Variants in DCC observed in about 807,000 individuals in gnomAD.
The protein encoded by DCC is DCC netrin 1 receptor, also known as netrin receptor DCC.
Under a neutral mutation model 172.5 loss-of-function variants are expected in DCC, and 58 were observed. That is an observed-to-expected ratio of 0.34 (90% CI 0.27 to 0.42). The LOEUF (loss-of-function observed/expected upper bound fraction) is 0.42. Ranked by LOEUF, DCC falls within the 10% of genes least tolerant of loss-of-function variation. The probability of loss-of-function intolerance (pLI) is 1.00; values close to 1 mark genes in which losing one functional copy is unlikely to be tolerated. For missense variants in DCC, 1,740 were observed against 1,791.0 expected (o/e 0.97, Z 0.51); for synonymous variants, 709 against 644.5 (o/e 1.10, Z -1.52).
chr18:53,340,986 C>G (rs1568067639), intron 15 of DCC, among the ~76,000 whole-genome samples: 1 of 152,152 alleles, frequency 6.6e-6, no homozygotes, highest in Non-Finnish European at 1.5e-5. Context: ...CCCATTCTCT[C>G]TATAATTGCT....
chr18:52,854,091 A>G (rs1350155252), intron 2 of DCC, among the ~76,000 whole-genome samples: 1 of 152,230 alleles, frequency 6.6e-6, no homozygotes, highest in African/African-American at 2.4e-5. Context: ...ATGAATTTTA[A>G]TAGATGTCAT....
At chr18:53,408,865 C>T (rs1909825012) in intron 19 of DCC, among the ~76,000 whole-genome samples, 1 of 152,066 alleles carries the variant, frequency 6.6e-6, no homozygotes, top group African/African-American at 2.4e-5. Context: ...AATGGGCTTC[C>T]AGATGTTGGA....
At chr18:52,788,209 A>T (rs992548436) in intron 2 of DCC, among the ~76,000 whole-genome samples, 2 of 152,214 alleles carry the variant, frequency 1.3e-5, no homozygotes, top group Non-Finnish European at 2.9e-5. Flanking sequence ...GGCAAAATTT[A>T]CATTTCCATG....
chr18:53,092,505 A>G (rs2043028763), intron 7 of DCC, among the ~76,000 whole-genome samples: 1 of 152,140 alleles, frequency 6.6e-6, no homozygotes, highest in East Asian at 1.9e-4. Context: ...ATCATAACAT[A>G]TGTTTTAACT....
chr18:52,756,873 T>G (rs137948236), intron 2 of DCC: 175 of 152,334 alleles, frequency 1.1e-3, no homozygotes, highest in African/African-American at 3.8e-3. Flanking sequence ...TAAATAGAAC[T>G]AACAATTATT....
At chr18:52,835,746 T>C (rs2038693159) in intron 2 of DCC, among the ~76,000 whole-genome samples, 1 of 152,348 alleles carries the variant, frequency 6.6e-6, no homozygotes, top group African/African-American at 2.4e-5. Context: ...TCAAAACTGA[T>C]TTTTAATGAA....
chr18:53,254,144 T>A (rs564631536), intron 12 of DCC, among the ~76,000 whole-genome samples: 1 of 152,182 alleles, frequency 6.6e-6, no homozygotes, highest in Admixed American at 6.5e-5. Context: ...GACAACCATA[T>A]TTATTTTTGT....
intron 5 of DCC, among the ~76,000 whole-genome samples, chr18:52,941,501 T>A (rs2040463222): frequency 7.9e-6 from 1 of 127,060 alleles, no homozygotes; most frequent in Non-Finnish European, 1.8e-5. Flanking sequence ...TGTGTGTGTG[T>A]GTATATATAT....
chr18:53,205,301 T>C lies in DCC; in HGVS notation c.1659T>C (p.Tyr553=). The stretch of plus-strand genomic sequence containing the variant: ...TTATTACCTGGGAACCCCCTGCCTA[T>C]GCAAACGGTCCAGTCCAAGGTTACA... The part of the protein sequence containing the change: ...SILITWEPPA[Y]ANGPVQGYRL... Residue 553 remains tyrosine (Y), a synonymous_variant, in exon 10 of 29, where the codon TAT becomes TAC. Coordinates refer to ENST00000442544, the MANE Select transcript of DCC (RefSeq NM_005215.4). 1.2e-6 allele frequency: 2 copies of C among 1,614,002 alleles called. No homozygotes were observed. The highest frequency in any genetic ancestry group is 1.7e-6 in the Non-Finnish European group (2 of 1,179,892).
At chr18:53,206,071 T>C (rs1355559977) in intron 10 of DCC, among the ~76,000 whole-genome samples, 1 of 123,836 alleles carries the variant, frequency 8.1e-6, no homozygotes, top group African/African-American at 3.3e-5. Flanking sequence ...ATAATACATA[T>C]ATATTACATA....
At chr18:52,915,310 A>G (rs1188395337) in intron 3 of DCC, among the ~76,000 whole-genome samples, 1 of 152,094 alleles carries the variant, frequency 6.6e-6, no homozygotes, top group Non-Finnish European at 1.5e-5. Flanking sequence ...AAATAATTGT[A>G]AGGAGTGTTT....
intron 1 of DCC, among the ~76,000 whole-genome samples, chr18:52,669,619 A>G (rs2035516138): frequency 6.6e-6 from 1 of 152,098 alleles, no homozygotes; most frequent in South Asian, 2.1e-4. Context: ...GCTGCCCTCC[A>G]CATTGGCAAA....
At chr18:52,533,569 G>A (rs566094462) in intron 1 of DCC, among the ~76,000 whole-genome samples, 27 of 152,162 alleles carry the variant, frequency 1.8e-4, no homozygotes, top group African/African-American at 6.3e-4. Flanking sequence ...ACATGTATCA[G>A]TAGTTCAGTC....
At chr18:52,638,032 A>C (rs1260797285) in intron 1 of DCC, among the ~76,000 whole-genome samples, 2 of 152,206 alleles carry the variant, frequency 1.3e-5, no homozygotes, top group Non-Finnish European at 2.9e-5. Flanking sequence ...CAAACAAAAC[A>C]ATTATCAGGC....
At chr18:53,122,123 T>C (rs2043491721) in intron 7 of DCC, among the ~76,000 whole-genome samples, 1 of 152,056 alleles carries the variant, frequency 6.6e-6, no homozygotes, top group Non-Finnish European at 1.5e-5. Context: ...ACTGAGTGAC[T>C]GATTTTAAAA....
At chr18:53,509,335 T>C (rs2046222479) in intron 27 of DCC, among the ~76,000 whole-genome samples, 1 of 152,256 alleles carries the variant, frequency 6.6e-6, no homozygotes, top group Non-Finnish European at 1.5e-5. Flanking sequence ...TGTCCAAACA[T>C]GATTTGAGAT....
At chr18:52,917,302 G>C (rs1323612248) in intron 3 of DCC, among the ~76,000 whole-genome samples, 1 of 152,098 alleles carries the variant, frequency 6.6e-6, no homozygotes, top group Non-Finnish European at 1.5e-5. Context: ...CTGGGCAACA[G>C]AGCGAGACAG....
intron 12 of DCC, among the ~76,000 whole-genome samples, chr18:53,290,264 G>A (rs113671465): frequency 0.013 from 1,935 of 152,260 alleles, 15 homozygotes; most frequent in Admixed American, 0.019. Context: ...ATTTCCAACA[G>A]GAGAAAGCCA....
chr18:53,060,009 A>ATTTT (rs556823473), intron 5 of DCC, among the ~76,000 whole-genome samples: 12 of 146,422 alleles, frequency 8.2e-5, no homozygotes, highest in Non-Finnish European at 1.8e-4. Flanking sequence ...ACTTAGACTC[A>ATTTT]TTTTTTTTTT....
Sources: allele counts gnomAD v4.1 joint callset (sites outside exome capture counted in the v4.1 genomes callset), GRCh38; gene constraint gnomAD v4.1.1; transcripts MANE v1.5; gene names NCBI Gene and HGNC (gene_info 2026-07-23, HGNC 2026-07-21).